Variants in CASD1 observed in about 807,000 individuals in gnomAD.
The protein encoded by CASD1 is N-acetylneuraminate (7)9-O-acetyltransferase.
Under a neutral mutation model 100.0 loss-of-function variants are expected in CASD1, and 41 were observed. That is an observed-to-expected ratio of 0.41 (90% CI 0.32 to 0.53). The LOEUF (loss-of-function observed/expected upper bound fraction) is 0.53. Ranked by LOEUF, CASD1 falls within the 20% of genes least tolerant of loss-of-function variation. CASD1 has a pLI of 0.25. For synonymous variants in CASD1, 321 were observed against 315.6 expected (o/e 1.02, Z -0.18); for missense variants, 774 against 948.7 (o/e 0.82, Z 2.42).
rs2116205101 is a variant in CASD1, at chr7:94,518,420, A to T, written c.351+97A>T. ...GTCTCTCCAGATTGAGTAGGAGCTG[A>T]AAAAATTTTACTTTGATTTTCAGAA... On this transcript the variant is annotated intron_variant, in intron 3 of 17. Transcript: ENST00000297273. 5.8e-6 allele frequency: 6 copies of T among 1,033,658 alleles called. No homozygotes were observed. The East Asian group carries it at 1.8e-4, about 31-fold the overall frequency. The allele number at this position is 1,033,658 out of a possible 1,614,324, so 64.0% of individuals were successfully genotyped here.
intron 5 of CASD1, among the ~76,000 whole-genome samples, chr7:94,530,794 G>A (rs889272701): frequency 7.9e-5 from 12 of 152,024 alleles, no homozygotes; most frequent in Non-Finnish European, 1.8e-4. Context: ...AGGAGAGAGG[G>A]CTTATGAGGA....
chr7:94,605,329 T>C, the CASD1 span, among the ~76,000 whole-genome samples: 1 of 150,814 alleles, frequency 6.6e-6, no homozygotes, highest in Admixed American at 6.6e-5. Context: ...GAAACTCAGA[T>C]CTACATAAAG....
At chr7:94,611,025 T>C in the CASD1 span, among the ~76,000 whole-genome samples, 6 of 152,202 alleles carry the variant, frequency 3.9e-5, no homozygotes, top group Admixed American at 2.0e-4. Flanking sequence ...TATGGAAAAG[T>C]TGGAACTCTC....
At chr7:94,521,389 A>G (rs1007436789) in intron 3 of CASD1, among the ~76,000 whole-genome samples, 1 of 152,234 alleles carries the variant, frequency 6.6e-6, no homozygotes, top group Non-Finnish European at 1.5e-5. Context: ...AAATAATAAT[A>G]TCTTTTGCAC....
the CASD1 span, among the ~76,000 whole-genome samples, chr7:94,606,278 G>A: frequency 6.6e-6 from 1 of 152,162 alleles, no homozygotes; most frequent in Non-Finnish European, 1.5e-5. Flanking sequence ...AAGTAAATGG[G>A]TGGAGAAAGA....
At chr7:94,625,860 T>C in the CASD1 span, 1 of 152,110 alleles carries the variant, frequency 6.6e-6, no homozygotes, top group Non-Finnish European at 1.5e-5. Context: ...TGAGCATGAT[T>C]GTACCTGCCT....
chr7:94,624,176 A>C, the CASD1 span: 25 of 397,838 alleles, frequency 6.3e-5, no homozygotes, highest in Admixed American at 2.2e-4. Context: ...AAAAAAAAAA[A>C]AAACAAATGA....
the CASD1 span, chr7:94,588,126 G>C: frequency 8.7e-7 from 1 of 1,154,062 alleles, no homozygotes; most frequent in African/African-American, 1.6e-5. Context: ...AAAATTTTTA[G>C]GGACACTTGA....
the CASD1 span, chr7:94,585,272 C>G: frequency 2.2e-6 from 1 of 459,490 alleles, no homozygotes; most frequent in Admixed American, 3.6e-5. Context: ...TTTATTGTAA[C>G]AAATATAAAG....
chr7:94,582,154 G>T, the CASD1 span, among the ~76,000 whole-genome samples: 1 of 152,152 alleles, frequency 6.6e-6, no homozygotes, highest in Non-Finnish European at 1.5e-5. Context: ...TTCTCACTCT[G>T]TCGCCCAGAC....
At chr7:94,545,804 GTTTAAA>G (rs1178532357) in intron 12 of CASD1, 103 bp downstream of exon 12, 7 of 649,848 alleles carry the variant, frequency 1.1e-5, no homozygotes, top group African/African-American at 1.8e-5. Flanking sequence ...GATGTAGACA[GTTTAAA>G]TTTATATGTA....
At chr7:94,591,868 T>C in the CASD1 span, among the ~76,000 whole-genome samples, 1 of 152,158 alleles carries the variant, frequency 6.6e-6, no homozygotes, top group African/African-American at 2.4e-5. Context: ...AAAGCAACTG[T>C]GTGTCTTATA....
chr7:94,587,516 C>T, the CASD1 span: 2 of 1,294,758 alleles, frequency 1.5e-6, no homozygotes, highest in Admixed American at 4.2e-5. Flanking sequence ...AGAAATTTTC[C>T]TTTTAAAAAA....
chr7:94,559,409 G>A (rs1415738796), downstream of CASD1, among the ~76,000 whole-genome samples: 2 of 151,714 alleles, frequency 1.3e-5, no homozygotes, highest in Admixed American at 6.6e-5. Flanking sequence ...TGAACAATTT[G>A]GGGGAAATAT....
chr7:94,524,363 G>C lies in CASD1; in HGVS notation c.352-2799G>C, dbSNP rs374037619. 2.0e-5 allele frequency: 3 copies of C among 151,950 alleles called. No individual in the cohort carries two copies. The South Asian group carries it at 6.2e-4, about 31-fold the overall frequency. The allele number at this position is 151,950 out of a possible 1,614,324, so 9.4% of individuals were successfully genotyped here. On this transcript the variant is annotated intron_variant, in intron 3 of 17. Transcript: ENST00000297273. ...TCAGAAACTGCAAACTAATGAAAAA[G>C]ATAACCCAGTAGACAAAAGGTGGGG...
Position 94,510,157 on chromosome 7 carries a change from C to T in CASD1, c.73C>T (p.Leu25=). The T allele has an allele frequency of 4.6e-6, 7 of 1,529,172 alleles. No individual in the cohort carries two copies. Among genetic ancestry groups the T allele is most frequent in the Non-Finnish European group, 6.2e-6 (7 of 1,136,942 alleles). The allele number at this position is 1,529,172 out of a possible 1,614,324, so 94.7% of individuals were successfully genotyped here. ...HYFSVRSAKV[L]ALVAVLLLAA... is the part of the protein sequence containing the mutation. Reference sequence around the variant, plus strand: ...CTTCAGCGTGAGGAGCGCCAAGGTGCTGGCGCTGGTGGCCGTGCTGCTGCT... The same window carrying T: ...CTTCAGCGTGAGGAGCGCCAAGGTGTTGGCGCTGGTGGCCGTGCTGCTGCT... Residue 25 remains leucine, a synonymous_variant, in exon 1 of 18, where the codon CTG becomes TTG. Transcript: ENST00000297273.
chr7:94,589,347 C>G, the CASD1 span: 1 of 155,900 alleles, frequency 6.4e-6, no homozygotes, highest in Non-Finnish European at 1.4e-5. Flanking sequence ...CTGCCCCATT[C>G]CTCCCCATCT....
intron 8 of CASD1, among the ~76,000 whole-genome samples, chr7:94,535,726 AAGAG>A (rs1177633734): frequency 2.0e-5 from 3 of 152,160 alleles, no homozygotes; most frequent in East Asian, 1.9e-4. Flanking sequence ...GGTATACTCT[AAGAG>A]AGAAAGAAGT....
chr7:94,595,233 C>T, the CASD1 span, among the ~76,000 whole-genome samples: 2 of 152,126 alleles, frequency 1.3e-5, no homozygotes, highest in Admixed American at 6.5e-5. Flanking sequence ...ATAATGGTGG[C>T]AGCCATTCAT....
Sources: gnomAD v4.1 joint callset for allele counts (sites outside exome capture counted in the v4.1 genomes callset) on GRCh38, gnomAD v4.1.1 for gene constraint, MANE v1.5 for transcripts, NCBI Gene and HGNC (gene_info 2026-07-23, HGNC 2026-07-21) for gene names.